ELF1: variants seen among roughly 807,000 people sequenced by gnomAD.
The protein encoded by ELF1 is E74 like ETS transcription factor 1.
ELF1 carries 24 observed loss-of-function variants against 59.9 expected under a neutral mutation model. The ratio of observed to expected loss-of-function variants is 0.40; its 90% CI spans 0.29 to 0.56. ELF1 has a LOEUF of 0.56. ELF1 is among the 20% of genes least tolerant of loss of function. The pLI is 0.44. For missense variants in ELF1, 627 were observed against 742.2 expected, an observed-to-expected ratio of 0.84 and a Z score of 1.80; for synonymous variants, 248 against 266.2, an observed-to-expected ratio of 0.93 and a Z score of 0.67.
At chr13:40,936,853 A>G (rs1350937993) in intron 8 of ELF1, among the ~76,000 whole-genome samples, 2 of 151,832 alleles carry the variant, frequency 1.3e-5, no homozygotes, top group Non-Finnish European at 2.9e-5. Flanking sequence ...AGGCTGAGGC[A>G]GGAGAACTGC....
intron 1 of ELF1, among the ~76,000 whole-genome samples, chr13:40,988,799 T>C (rs1349002366): frequency 6.6e-6 from 1 of 152,238 alleles, no homozygotes; most frequent in South Asian, 2.1e-4. Flanking sequence ...TTTTTCTCTC[T>C]AGTTCTTTTT....
In ELF1 at chr13:41,040,707, C is replaced by A. The variant is rs74932668; in HGVS notation, c.-229+20131G>T. Among the ~76,000 whole-genome samples, 691 of 152,218 alleles carry A rather than the reference C, an allele frequency of 4.5e-3. 3 individuals carry two copies. Among genetic ancestry groups the A allele is most frequent in the Middle Eastern group, 0.01 (3 of 294 alleles). On this transcript the variant is annotated intron_variant, in intron 1 of 1. Transcript: ENST00000405737. ...GAGGTGGAGCTCAGACAGTAATGCT[C>A]GCTCATCTGCTGCTCATCTCTTGCT...
intron 1 of ELF1, among the ~76,000 whole-genome samples, chr13:41,008,010 T>C (rs900271625): frequency 6.6e-6 from 1 of 152,210 alleles, no homozygotes. Flanking sequence ...GTCTACTCCT[T>C]ACCACTGGGC....
At position 41,034,801 on chromosome 13, in the gene ELF1, A is replaced by AG. The variant is rs1406633553; in HGVS notation, c.-229+26036_-229+26037insC. ...CTTAATATTCCTATTAAAAAAAAAA[A>AG]AAAAAAAACCTTCACTGGCCTATCA... On this transcript the variant is annotated intron_variant, in intron 1 of 1. Coordinates refer to the ELF1 transcript ENST00000405737. Among the ~76,000 whole-genome samples, 165 of 151,756 alleles carry AG rather than the reference A, an allele frequency of 1.1e-3. 1 individual carries two copies. The highest frequency in any genetic ancestry group is 3.9e-3 in the African/African-American group (163 of 41,430).
intron 1 of ELF1, among the ~76,000 whole-genome samples, chr13:41,026,183 A>G (rs1337096869): frequency 6.6e-6 from 1 of 152,238 alleles, no homozygotes; most frequent in Non-Finnish European, 1.5e-5. Context: ...AAATCTGACT[A>G]AAATTCAAGG....
Position 40,949,826 on chromosome 13 carries a change from T to C in ELF1, c.509A>G (p.Glu170Gly), listed in dbSNP as rs1870736506. The C allele has an allele frequency of 9.3e-6, 15 of 1,613,982 alleles. No homozygotes were observed. The highest frequency in any genetic ancestry group is 1.3e-5 in the African/African-American group (1 of 74,902). ...CCTACCTTTTTTCCTCTTAGGCTGTTCTGGTGATGAGGCTCCCGGTGAGTC... is the reference window on the plus strand; with the variant it reads ...CCTACCTTTTTTCCTCTTAGGCTGTCCTGGTGATGAGGCTCCCGGTGAGTC... Reference protein sequence around the residue: ...YADSPGASSPEQPKRKKGRKT... With the variant: ...YADSPGASSPGQPKRKKGRKT... The change falls in exon 5 of 9, where the codon GAA becomes GGA. Residue 170 changes from glutamate (E) to glycine (G), a missense_variant. Physicochemically the swap from Glu to Gly is moderately conservative, Grantham distance 98. Transcript: ENST00000239882.
intron 1 of ELF1, among the ~76,000 whole-genome samples, chr13:41,016,947 A>AATATATATATAT: frequency 2.7e-3 from 66 of 24,726 alleles, no homozygotes; most frequent in Non-Finnish European, 2.9e-3. Flanking sequence ...AAAAAAAAAA[A>AATATATATATAT]ATATATATAT....
At chr13:40,948,308 T>C (rs1870627530) in intron 5 of ELF1, among the ~76,000 whole-genome samples, 1 of 152,244 alleles carries the variant, frequency 6.6e-6, no homozygotes. Context: ...TTCCTTGACA[T>C]CTGTCTGTGC....
At chr13:40,977,073 A>G (rs996333329) in intron 2 of ELF1, among the ~76,000 whole-genome samples, 7 of 152,220 alleles carry the variant, frequency 4.6e-5, no homozygotes, top group African/African-American at 1.4e-4. Context: ...GACTGAAAAA[A>G]AAATACAGTG....
At chr13:41,021,878 C>A (rs191893906), upstream of ELF1, among the ~76,000 whole-genome samples, 349 of 152,210 alleles carry the variant, frequency 2.3e-3, 1 homozygote, top group Non-Finnish European at 1.9e-3. Context: ...GTGACACCAC[C>A]ACAACAAAAC....
chr13:41,006,618 A>G (rs1874775147), intron 1 of ELF1, among the ~76,000 whole-genome samples: 1 of 152,212 alleles, frequency 6.6e-6, no homozygotes, highest in Non-Finnish European at 1.5e-5. Flanking sequence ...CAGGTTGTAA[A>G]TTATCCTATA....
chr13:41,007,897 G>A (rs1874842287), intron 1 of ELF1, among the ~76,000 whole-genome samples: 2 of 152,086 alleles, frequency 1.3e-5, no homozygotes, highest in Admixed American at 1.3e-4. Flanking sequence ...GGTATTATTT[G>A]GCTTTTCCAC....
At chr13:40,939,561 TCACCTGTAACC>T (rs1299221420) in intron 8 of ELF1, among the ~76,000 whole-genome samples, 3 of 152,206 alleles carry the variant, frequency 2.0e-5, no homozygotes, top group Admixed American at 2.0e-4. Context: ...CACCCAGTCA[TCACCTGTAACC>T]CACAGGGCCT....
intron 2 of ELF1, among the ~76,000 whole-genome samples, chr13:40,978,903 G>C (rs12561034): frequency 0.14 from 21,306 of 151,932 alleles, 1,787 homozygotes; most frequent in East Asian, 0.33. Flanking sequence ...TTAGATTCAG[G>C]GGGTACATGT....
At chr13:41,041,272 A>AC (rs1876597928) in intron 1 of ELF1, among the ~76,000 whole-genome samples, 1 of 151,960 alleles carries the variant, frequency 6.6e-6, no homozygotes. Context: ...AAAAAAAAAA[A>AC]AAAAAAACCT....
chr13:40,979,436 G>A (rs556773606), intron 2 of ELF1, among the ~76,000 whole-genome samples: 36 of 152,232 alleles, frequency 2.4e-4, no homozygotes, highest in Admixed American at 6.5e-4. Context: ...AATAAGCAGC[G>A]GAGCCAAGAT....
intron 1 of ELF1, among the ~76,000 whole-genome samples, chr13:40,985,270 A>G (rs1236620279): frequency 6.6e-6 from 1 of 152,220 alleles, no homozygotes; most frequent in Non-Finnish European, 1.5e-5. Flanking sequence ...CAGAGGGAGC[A>G]CCTGTAGATA....
rs1593344056 is a variant in ELF1 at position 40,933,609 on chromosome 13, G to A, written c.1676C>T (p.Thr559Ile). 6.2e-7 allele frequency: 1 copy of A among 1,614,208 alleles called. No individual in the cohort carries two copies. Among genetic ancestry groups the A allele is most frequent in the Non-Finnish European group, 8.5e-7 (1 of 1,180,044 alleles). Residue 559 changes from threonine to isoleucine, a missense_variant, in exon 9 of 9, where the codon ACT (threonine) becomes ATT (isoleucine). This residue lies in a region of ELF1 where 361 missense variants were observed against 396.1 expected (regional missense o/e 0.91). Transcript: ENST00000239882. ...CTGTGTAAGAGTTTTTGTTTCTTGA[G>A]TTTTGATAACTGAAGTGATTACAGT... Reference protein sequence around the residue: ...PGTVITSVIKTQETKTLTQEV... With the variant: ...PGTVITSVIKIQETKTLTQEV...
intron 1 of ELF1, among the ~76,000 whole-genome samples, chr13:40,996,681 C>T (rs772615678): frequency 4.6e-5 from 7 of 152,040 alleles, no homozygotes; most frequent in Admixed American, 3.3e-4. Flanking sequence ...AGGCTGATAA[C>T]GGGGAGGCTA....
Sources: gnomAD v4.1 joint callset for allele counts (sites outside exome capture counted in the v4.1 genomes callset) on GRCh38, gnomAD v4.1.1 for gene constraint, gnomAD v4.1.1 regional missense constraint, MANE v1.5 for transcripts, NCBI Gene and HGNC (gene_info 2026-07-23, HGNC 2026-07-21) for gene names.